The following PCDHA1 variants were observed in gnomAD, a reference collection of about 807,000 sequenced individuals.
The protein encoded by PCDHA1 is protocadherin alpha 1.
Under a neutral mutation model 61.3 loss-of-function variants are expected in PCDHA1, and 42 were observed. The ratio of observed to expected loss-of-function variants is 0.69; its 90% CI spans 0.54 to 0.89. The LOEUF (loss-of-function observed/expected upper bound fraction) is 0.89, where lower values mean the gene tolerates loss of function less well. Among genes scored for constraint, PCDHA1 ranks in the 40% least tolerant of loss-of-function variants. The pLI, the probability that PCDHA1 is intolerant of heterozygous loss-of-function variation, is 0.00. For missense variants in PCDHA1, 1,256 were observed against 1,235.3 expected (o/e 1.02, Z -0.25); for synonymous variants, 610 against 553.8 (o/e 1.10, Z -1.43).
At chr5:140,836,276 C>T (rs2150256592) in intron 1 of PCDHA1, 3 of 1,613,790 alleles carry the variant, frequency 1.9e-6, no homozygotes, top group East Asian at 2.2e-5. Flanking sequence ...CTGGTGAGAT[C>T]AGCACGACAC....
At position 140,858,582 on chromosome 5, in the gene PCDHA1, A is replaced by G; in HGVS notation, c.2394+69898A>G. ...ATTTCTAGTGATACCTTTGTAATAT[A>G]ATTTATTCCAGGAGTTTTAAAATTT... On this transcript the variant is annotated intron_variant, in intron 1 of 3. Transcript: ENST00000504120. The G allele has an allele frequency of 1.5e-6, 2 of 1,346,266 alleles. 1 individual carries two copies. Among genetic ancestry groups the G allele is most frequent in the Non-Finnish European group, 2.0e-6 (2 of 983,500 alleles). The allele number at this position is 1,346,266 out of a possible 1,614,324, so 83.4% of individuals were successfully genotyped here. A position where few individuals can be genotyped will look rare whatever the true frequency, so the allele number is the denominator to read the frequency against.
In PCDHA1 at chr5:140,835,883, C is replaced by T. The variant is rs149268300; in HGVS notation, c.2394+47199C>T. Reference sequence around the variant, plus strand: ...ACTCGCTGGTGGAGCTGCGGGTGGGCGAGCGCGCGCTGTCGAGCTACGTGT... The same window carrying T: ...ACTCGCTGGTGGAGCTGCGGGTGGGTGAGCGCGCGCTGTCGAGCTACGTGT... On this transcript the variant is annotated intron_variant, in intron 1 of 3. Coordinates refer to ENST00000504120, the MANE Select transcript of PCDHA1 (RefSeq NM_018900.4). 5.5e-4 allele frequency: 882 copies of T among 1,611,944 alleles called. 10 individuals carry two copies. In the African/African-American group the frequency reaches 9.6e-3, roughly 17 times the overall value.
chr5:140,807,279 T>C lies in PCDHA1; in HGVS notation c.2394+18595T>C, dbSNP rs782310722. ...GCCTGGGAGGCAGGGAACGGTCAGC[T>C]CCACTACTCGGTCTCCGAGGAGGCC... On this transcript the variant is annotated intron_variant, in intron 1 of 3. Transcript: ENST00000504120. 3.7e-6 allele frequency: 6 copies of C among 1,614,094 alleles called. No homozygotes were observed. The Admixed American group carries it at 6.7e-5, about 18-fold the overall frequency.
chr5:140,956,678 A>C (rs1442214825), intron 1 of PCDHA1, among the ~76,000 whole-genome samples: 2 of 152,104 alleles, frequency 1.3e-5, no homozygotes, highest in Non-Finnish European at 2.9e-5. Context: ...GTTAGGGAGG[A>C]GTACCTCCTT....
At chr5:140,857,462 C>T (rs782280236) in intron 1 of PCDHA1, 2 of 1,598,496 alleles carry the variant, frequency 1.3e-6, no homozygotes. Context: ...GCCAGGCTGC[C>T]ACATCTTCAC....
chr5:140,959,532 T>C (rs919329459), intron 1 of PCDHA1, among the ~76,000 whole-genome samples: 1 of 152,198 alleles, frequency 6.6e-6, no homozygotes, highest in Admixed American at 6.5e-5. Context: ...GACCATTAAT[T>C]CAGAGATGCT....
chr5:140,824,610 G>GTTTTTTTTT (rs2150135229), intron 1 of PCDHA1: 2,160 of 95,054 alleles, frequency 0.023, 363 homozygotes, highest in African/African-American at 0.035. Context: ...GCTAATTAAA[G>GTTTTTTTTT]TTTTTTTTTT....
At chr5:140,966,416 A>T in intron 1 of PCDHA1, 1 of 419,730 alleles carries the variant, frequency 2.4e-6, no homozygotes, top group Non-Finnish European at 4.1e-6. Context: ...TCAGAGCAGG[A>T]CTTGCTGAGC....
At chr5:140,886,560 G>A (rs1230327560) in intron 1 of PCDHA1, among the ~76,000 whole-genome samples, 3 of 151,904 alleles carry the variant, frequency 2.0e-5, no homozygotes, top group Non-Finnish European at 4.4e-5. Flanking sequence ...GGGCACGGTG[G>A]CTCACGCCTG....
At chr5:140,864,277 T>A (rs1203382304) in intron 1 of PCDHA1, 6 of 152,228 alleles carry the variant, frequency 3.9e-5, no homozygotes, top group South Asian at 2.1e-4. Context: ...CTCCATTCCT[T>A]ATTGTTTTTA....
At chr5:140,872,800 C>T (rs2053907687) in intron 1 of PCDHA1, among the ~76,000 whole-genome samples, 2 of 152,078 alleles carry the variant, frequency 1.3e-5, no homozygotes, top group African/African-American at 4.8e-5. Context: ...TGGCATTCTT[C>T]CATAAGTTTT....
intron 1 of PCDHA1, chr5:140,803,291 G>GT (rs1376333246): frequency 6.2e-7 from 1 of 1,613,990 alleles, no homozygotes; most frequent in African/African-American, 1.3e-5. Context: ...ATGTCAACGT[G>GT]TACTTGATCG....
Position 140,790,836 on chromosome 5 carries a change from C to T in PCDHA1, c.2394+2152C>T, listed in dbSNP as rs1383625210. On this transcript the variant is annotated intron_variant, in intron 1 of 3. Transcript: ENST00000504120. ...GTGAATCACAAATAATAGTGAATTACTATTAAACCAAAAATAAATGGGCGT... is the reference window on the plus strand; with the variant it reads ...GTGAATCACAAATAATAGTGAATTATTATTAAACCAAAAATAAATGGGCGT... Among the ~76,000 whole-genome samples the T allele has an allele frequency of 2.0e-5, 3 of 151,990 alleles. No individual in the cohort carries two copies. In the East Asian group the frequency reaches 5.8e-4, roughly 29 times the overall value.
intron 1 of PCDHA1, among the ~76,000 whole-genome samples, chr5:140,904,628 A>G (rs2071277621): frequency 6.6e-6 from 1 of 152,002 alleles, no homozygotes; most frequent in African/African-American, 2.4e-5. Context: ...TTAGTTCTTT[A>G]AGGAATCTCC....
At chr5:140,824,612 T>TTTTTTTTTG (rs1768223304) in intron 1 of PCDHA1, 1 of 117,268 alleles carries the variant, frequency 8.5e-6, no homozygotes, top group African/African-American at 4.0e-5. Flanking sequence ...TAATTAAAGT[T>TTTTTTTTTG]TTTTTTTTTT....
At position 140,811,844 on chromosome 5, in the gene PCDHA1, G is replaced by GT. The variant is rs1299388678; in HGVS notation, c.2394+23166dup. On this transcript the variant is annotated intron_variant, in intron 1 of 3. Coordinates refer to ENST00000504120, the MANE Select transcript of PCDHA1 (RefSeq NM_018900.4). ...TATCCTTTGCCCACTTTTTGATAGG[G>GT]TTTTTTGTTTTTTTCTTGTAAATGT... 1.2e-4 allele frequency: 18 copies of GT among 152,224 alleles called. No homozygotes were observed. In the East Asian group the frequency reaches 3.3e-3, roughly 28 times the overall value. 9.4% of individuals were successfully genotyped at this position (152,224 alleles called of 1,614,324 possible).
intron 3 of PCDHA1, among the ~76,000 whole-genome samples, chr5:141,007,388 TAAAATAC>T (rs1451350698): frequency 1.5e-5 from 1 of 67,196 alleles, no homozygotes; most frequent in Non-Finnish European, 2.7e-5. Context: ...CCATCTCTAC[TAAAATAC>T]AAAAAAAAAA....
chr5:140,796,682 C>T (rs1245012473), intron 1 of PCDHA1: 1 of 1,613,790 alleles, frequency 6.2e-7, no homozygotes, highest in Non-Finnish European at 8.5e-7. Flanking sequence ...GCTGGCACCG[C>T]TGCTGGCGCA....
At chr5:140,841,264 T>C (rs1777117018) in intron 1 of PCDHA1, 1 of 1,522,190 alleles carries the variant, frequency 6.6e-7, no homozygotes, top group Admixed American at 2.2e-5. Context: ...ACTCTGAAAG[T>C]ACAGTCGTTC....
Sources: allele counts gnomAD v4.1 joint callset (sites outside exome capture counted in the v4.1 genomes callset), GRCh38; gene constraint gnomAD v4.1.1; transcripts MANE v1.5; gene names NCBI Gene and HGNC (gene_info 2026-07-23, HGNC 2026-07-21).